The following LARP4B variants were observed in gnomAD, a reference collection of about 807,000 sequenced individuals.
The protein encoded by LARP4B is la-related protein 4B.
Under a neutral mutation model 89.8 loss-of-function variants are expected in LARP4B, and 12 were observed. The ratio of observed to expected loss-of-function variants is 0.13; its 90% CI spans 0.09 to 0.22. The LOEUF (loss-of-function observed/expected upper bound fraction) is 0.22, where lower values mean the gene tolerates loss of function less well. Ranked by LOEUF, LARP4B falls within the 10% of genes least tolerant of loss-of-function variation. LARP4B has a pLI of 1.00. For missense variants in LARP4B, 757 were observed against 947.7 expected, an observed-to-expected ratio of 0.80 and a Z score of 2.64; for synonymous variants, 367 against 363.3, an observed-to-expected ratio of 1.01 and a Z score of -0.12.
chr10:817,900 A>G lies in LARP4B; in HGVS notation c.1531-11T>C. Reference sequence around the variant, plus strand: ...CTGTGTCTGGCTGCTCTGCAACAGAATGACACCCCAGGGTCACGGTATGGA... The same window carrying G: ...CTGTGTCTGGCTGCTCTGCAACAGAGTGACACCCCAGGGTCACGGTATGGA... On this transcript the variant is annotated splice_polypyrimidine_tract_variant and intron_variant, in intron 14 of 17. Transcript: ENST00000316157. The G allele has an allele frequency of 6.2e-7, 1 of 1,611,108 alleles. No individual in the cohort carries two copies. Among genetic ancestry groups the G allele is most frequent in the Non-Finnish European group, 8.5e-7 (1 of 1,177,660 alleles).
the LARP4B span, among the ~76,000 whole-genome samples, chr10:939,049 A>G: frequency 6.4e-3 from 980 of 152,332 alleles, 11 homozygotes; most frequent in African/African-American, 0.022. Context: ...TAAATTCCCT[A>G]TGGCAATAAA....
the LARP4B span, among the ~76,000 whole-genome samples, chr10:956,302 G>A: frequency 2.0e-5 from 3 of 152,012 alleles, no homozygotes; most frequent in Non-Finnish European, 2.9e-5. This position sits in a 1 kb window ranked among gnomAD's most constrained non-coding sequence, Gnocchi z 4.3. Flanking sequence ...GAGTACACCT[G>A]CGTCTAAGGG....
intron 1 of LARP4B, among the ~76,000 whole-genome samples, chr10:889,242 A>G (rs935200046): frequency 3.3e-5 from 5 of 152,312 alleles, no homozygotes; most frequent in Non-Finnish European, 1.5e-5. Flanking sequence ...AACAATTTAT[A>G]TTGATTCATT....
the LARP4B span, among the ~76,000 whole-genome samples, chr10:952,229 A>G: frequency 4.0e-5 from 6 of 149,426 alleles, no homozygotes. Flanking sequence ...AGTCCCAGCT[A>G]CTTGGGAGGC....
chr10:873,599 G>A (rs190348268), intron 3 of LARP4B: 180 of 184,920 alleles, frequency 9.7e-4, no homozygotes, highest in African/African-American at 3.8e-3. Flanking sequence ...ATTTTGTTCC[G>A]TAAAATATAT....
chr10:941,673 G>T, the LARP4B span, among the ~76,000 whole-genome samples: 59,118 of 152,136 alleles, frequency 0.39, 11,999 homozygotes, highest in African/African-American at 0.44. Context: ...GGTGATCTGG[G>T]GTTCCATGGC....
intron 1 of LARP4B, among the ~76,000 whole-genome samples, chr10:911,646 C>G (rs1443655196): frequency 6.6e-6 from 1 of 152,130 alleles, no homozygotes; most frequent in Admixed American, 6.5e-5. Context: ...ACTCTGAGAC[C>G]CGCTTCGGAA....
intron 5 of LARP4B, among the ~76,000 whole-genome samples, chr10:861,880 T>C (rs1834631568): frequency 6.6e-6 from 1 of 152,158 alleles, no homozygotes; most frequent in Non-Finnish European, 1.5e-5. Flanking sequence ...ACCATTAGGA[T>C]TCTCACTCCC....
At chr10:906,051 C>A (rs72778229) in intron 1 of LARP4B, among the ~76,000 whole-genome samples, 22,819 of 152,188 alleles carry the variant, frequency 0.15, 1,862 homozygotes, top group Non-Finnish European at 0.18. Context: ...ATACATAAAT[C>A]TTTAGCTATT....
the LARP4B span, among the ~76,000 whole-genome samples, chr10:951,555 AG>A: frequency 6.6e-6 from 1 of 152,078 alleles, no homozygotes; most frequent in Non-Finnish European, 1.5e-5. Flanking sequence ...AAAAAAAAAA[AG>A]TCCACTCTGC....
chr10:919,227 G>A (rs961894319), intron 1 of LARP4B, among the ~76,000 whole-genome samples: 1 of 152,096 alleles, frequency 6.6e-6, no homozygotes, highest in Non-Finnish European at 1.5e-5. Flanking sequence ...TGTGACTTAA[G>A]CCCCCAAATA....
chr10:975,179 A>G, the LARP4B span, among the ~76,000 whole-genome samples: 3 of 152,252 alleles, frequency 2.0e-5, no homozygotes, highest in Non-Finnish European at 4.4e-5. Context: ...ATAGGTTCTC[A>G]GCAGTCAGAA....
intron 1 of LARP4B, among the ~76,000 whole-genome samples, chr10:890,131 C>G (rs1157883692): frequency 6.6e-6 from 1 of 152,106 alleles, no homozygotes; most frequent in Non-Finnish European, 1.5e-5. Flanking sequence ...GAAAAAATAC[C>G]TTTAAAAGTG....
chr10:928,108 G>A (rs1285881622), intron 1 of LARP4B, among the ~76,000 whole-genome samples: 3 of 151,712 alleles, frequency 2.0e-5, no homozygotes, highest in Non-Finnish European at 2.9e-5. Flanking sequence ...TGTAATCCCA[G>A]CTACTCGGGA....
rs1248686673 is a variant in LARP4B at position 863,885 on chromosome 10, T to C, written c.290-2A>G. 2 of 1,608,594 alleles carry C rather than the reference T, an allele frequency of 1.2e-6. No homozygotes were observed. The highest frequency in any genetic ancestry group is 1.1e-5 in the South Asian group (1 of 89,836). On this transcript the variant is annotated splice_acceptor_variant, in intron 4 of 17. Transcript: ENST00000316157. LOFTEE classifies it high-confidence loss of function. ...CACCATCACCATTGGCATCCGATCCTACAATTAGGAGTTTACCCCAAAAAG... is the reference window on the plus strand; with the variant it reads ...CACCATCACCATTGGCATCCGATCCCACAATTAGGAGTTTACCCCAAAAAG...
At chr10:977,547 A>G in the LARP4B span, among the ~76,000 whole-genome samples, 2 of 145,110 alleles carry the variant, frequency 1.4e-5, no homozygotes, top group South Asian at 2.2e-4. Context: ...CCTATCTCAG[A>G]AAAAAAAAAA....
chr10:976,866 G>A, the LARP4B span, among the ~76,000 whole-genome samples: 4 of 151,106 alleles, frequency 2.6e-5, no homozygotes, highest in African/African-American at 9.8e-5. Context: ...CTAGTAGAAG[G>A]TAGGCCTGTT....
chr10:821,431 T>C (rs1196540028), intron 13 of LARP4B, among the ~76,000 whole-genome samples: 1 of 152,148 alleles, frequency 6.6e-6, no homozygotes, highest in Non-Finnish European at 1.5e-5. Context: ...GACCTCCCCA[T>C]GCAGGCAGCA....
At chr10:844,201 T>C (rs1215628482) in intron 6 of LARP4B, among the ~76,000 whole-genome samples, 1 of 152,238 alleles carries the variant, frequency 6.6e-6, no homozygotes, top group Non-Finnish European at 1.5e-5. Context: ...GGGCTACACA[T>C]GGATGTGAGT....
Sources: gnomAD v4.1 joint callset for allele counts (sites outside exome capture counted in the v4.1 genomes callset) on GRCh38, gnomAD v4.1.1 for gene constraint, Gnocchi (gnomAD v3.1) non-coding constraint, MANE v1.5 for transcripts, NCBI Gene and HGNC (gene_info 2026-07-23, HGNC 2026-07-21) for gene names.